Variants in CADPS2 observed in about 807,000 individuals in gnomAD.
CADPS2 encodes the protein calcium-dependent secretion activator 2.
Under a neutral mutation model 172.5 loss-of-function variants are expected in CADPS2, and 93 were observed. The ratio of observed to expected loss-of-function variants is 0.54; its 90% CI spans 0.46 to 0.64. CADPS2 has a LOEUF of 0.64. Among genes scored for constraint, CADPS2 ranks in the 30% least tolerant of loss-of-function variants. The pLI is 0.00. For missense variants in CADPS2, 1,420 were observed against 1,565.9 expected, an observed-to-expected ratio of 0.91 and a Z score of 1.57; for synonymous variants, 546 against 555.2, an observed-to-expected ratio of 0.98 and a Z score of 0.23.
intron 20 of CADPS2, among the ~76,000 whole-genome samples, chr7:122,401,833 G>A (rs773638713): frequency 3.3e-5 from 5 of 152,078 alleles, no homozygotes; most frequent in Non-Finnish European, 5.9e-5. Flanking sequence ...TGCTCTGGGA[G>A]TCAGTGAGTG....
chr7:122,557,141 G>C (rs1004127385), intron 7 of CADPS2, among the ~76,000 whole-genome samples: 4 of 152,108 alleles, frequency 2.6e-5, no homozygotes, highest in African/African-American at 9.7e-5. Context: ...AAGTGCATTG[G>C]TAAATAAATG....
rs570734182 is a variant in CADPS2 at position 122,802,847 on chromosome 7, G to T, written c.340-65779C>A. ...CTGATGTTGCTGAAGAACAATTAGG[G>T]ACAGGAATTAAAGCAAATGGAACGT... is the stretch of plus-strand genomic sequence containing the variant. On this transcript the variant is annotated intron_variant, in intron 1 of 29. Transcript: ENST00000449022. Among the ~76,000 whole-genome samples, 6 of 152,292 alleles carry T rather than the reference G, an allele frequency of 3.9e-5. No homozygotes were observed. The East Asian group carries it at 7.7e-4, about 20-fold the overall frequency.
At chr7:122,333,773 T>G (rs1347120463) in intron 28 of CADPS2, among the ~76,000 whole-genome samples, 2 of 152,178 alleles carry the variant, frequency 1.3e-5, no homozygotes, top group African/African-American at 4.8e-5. Context: ...ACACAAGGCT[T>G]TAACTGAATC....
intron 8 of CADPS2, among the ~76,000 whole-genome samples, chr7:122,541,168 A>C (rs560136929): frequency 2.6e-5 from 4 of 152,004 alleles, no homozygotes; most frequent in African/African-American, 7.2e-5. Flanking sequence ...CATATACCTA[A>C]GAATATTTTT....
chr7:122,401,788 G>A (rs1049712029), intron 20 of CADPS2, among the ~76,000 whole-genome samples: 3 of 152,174 alleles, frequency 2.0e-5, no homozygotes, highest in Admixed American at 6.5e-5. Flanking sequence ...TTTTTGGCCA[G>A]AAATGGAGGC....
intron 20 of CADPS2, among the ~76,000 whole-genome samples, chr7:122,403,104 C>T (rs1354934423): frequency 6.6e-6 from 1 of 152,140 alleles, no homozygotes; most frequent in Admixed American, 6.5e-5. Context: ...AACTCAGTAT[C>T]TAAGGAATGT....
chr7:122,730,463 A>T (rs1024359507), intron 2 of CADPS2, among the ~76,000 whole-genome samples: 1 of 151,808 alleles, frequency 6.6e-6, no homozygotes, highest in African/African-American at 2.4e-5. Flanking sequence ...TAATAAACTT[A>T]TGACTATGAA....
rs547095990 is a variant in CADPS2, at chr7:122,619,573, G to A, written c.1104+1908C>T. 9.1e-4 allele frequency among the ~76,000 whole-genome samples: 139 copies of A among 152,282 alleles called. 1 individual carries two copies. Among genetic ancestry groups the A allele is most frequent in the African/African-American group, 3.2e-3 (133 of 41,562 alleles). Reference sequence around the variant, plus strand: ...ACCCAGGAAGTGGAGGTTGTGGTGAGCAGAGATAGTGCCACTGTACTCCAG... The same window carrying A: ...ACCCAGGAAGTGGAGGTTGTGGTGAACAGAGATAGTGCCACTGTACTCCAG... On this transcript the variant is annotated intron_variant, in intron 5 of 29. Transcript: ENST00000449022.
intron 6 of CADPS2, among the ~76,000 whole-genome samples, chr7:122,592,173 C>T (rs1411673061): frequency 1.7e-4 from 26 of 152,182 alleles, no homozygotes; most frequent in East Asian, 7.7e-4. Flanking sequence ...ACAAAGTGGG[C>T]GAAGGAGATG....
intron 28 of CADPS2, among the ~76,000 whole-genome samples, chr7:122,325,973 A>AT (rs1204050581): frequency 2.0e-5 from 3 of 151,780 alleles, no homozygotes; most frequent in African/African-American, 7.3e-5. Context: ...TCAAAGGAAA[A>AT]TTTTCTATTA....
chr7:122,731,360 C>G lies in CADPS2; in HGVS notation c.453+5595G>C, dbSNP rs76606733. On this transcript the variant is annotated intron_variant, in intron 2 of 29. Transcript: ENST00000449022. Reference sequence around the variant, plus strand: ...CTGTATACTGCCTTTTGGAAATCTACAAGAGAAAGACCATTTACTTTTCCA... The same window carrying G: ...CTGTATACTGCCTTTTGGAAATCTAGAAGAGAAAGACCATTTACTTTTCCA... Among the ~76,000 whole-genome samples, 557 of 151,676 alleles carry G rather than the reference C, an allele frequency of 3.7e-3. 5 individuals carry two copies. The highest frequency in any genetic ancestry group is 0.013 in the African/African-American group (534 of 41,430).
intron 1 of CADPS2, among the ~76,000 whole-genome samples, chr7:122,785,972 TGC>T (rs1277089714): frequency 3.3e-5 from 5 of 152,224 alleles, no homozygotes; most frequent in African/African-American, 1.2e-4. Context: ...ATAAACCACA[TGC>T]AGATCTTCAA....
At chr7:122,377,219 G>C (rs767794171) in intron 25 of CADPS2, among the ~76,000 whole-genome samples, 4 of 152,070 alleles carry the variant, frequency 2.6e-5, no homozygotes, top group African/African-American at 9.7e-5. Flanking sequence ...ACCACATGTG[G>C]CTAGTAGCCA....
At chr7:122,417,667 T>C (rs1304252737) in intron 17 of CADPS2, among the ~76,000 whole-genome samples, 1 of 152,196 alleles carries the variant, frequency 6.6e-6, no homozygotes, top group Non-Finnish European at 1.5e-5. Flanking sequence ...CTAGCTGTTC[T>C]AATTTTGTCA....
At chr7:122,797,656 GAC>G (rs1796678074) in intron 1 of CADPS2, among the ~76,000 whole-genome samples, 1 of 149,032 alleles carries the variant, frequency 6.7e-6, no homozygotes, top group Admixed American at 6.7e-5. Flanking sequence ...AGAACACATG[GAC>G]ACCTAGAGGG....
At chr7:122,351,128 G>A (rs1456058083) in intron 27 of CADPS2, among the ~76,000 whole-genome samples, 1 of 151,888 alleles carries the variant, frequency 6.6e-6, no homozygotes, top group Non-Finnish European at 1.5e-5. Flanking sequence ...CACTTTGGGA[G>A]GCTGAGGTGG....
intron 1 of CADPS2, among the ~76,000 whole-genome samples, chr7:122,762,033 C>T (rs201543398): frequency 0.091 from 5,438 of 59,928 alleles, 201 homozygotes; most frequent in African/African-American, 0.27. Flanking sequence ...TATATATACA[C>T]ACACACACAC....
At chr7:122,427,095 A>T (rs1313850406) in intron 17 of CADPS2, 1 of 151,764 alleles carries the variant, frequency 6.6e-6, no homozygotes, top group East Asian at 1.9e-4. Context: ...ATAAGGAACA[A>T]ACTGAAGAAG....
intron 8 of CADPS2, among the ~76,000 whole-genome samples, chr7:122,514,890 ATAGT>A (rs554207582): frequency 1.1e-4 from 17 of 152,282 alleles, no homozygotes; most frequent in African/African-American, 3.8e-4. Context: ...AACTACACAC[ATAGT>A]TAATGATTTG....
Sources: gnomAD v4.1 joint callset for allele counts (sites outside exome capture counted in the v4.1 genomes callset) on GRCh38, gnomAD v4.1.1 for gene constraint, MANE v1.5 for transcripts, NCBI Gene and HGNC (gene_info 2026-07-23, HGNC 2026-07-21) for gene names.